Variants in STAG1 observed in about 807,000 individuals in gnomAD.
STAG1 encodes cohesin subunit SA-1.
A neutral mutation model predicts 170.9 loss-of-function variants in STAG1; 26 were observed. The observed-to-expected ratio is 0.15, with a 90% CI of 0.11 to 0.21. STAG1 has a LOEUF of 0.21. Among genes scored for constraint, STAG1 ranks in the 10% least tolerant of loss-of-function variants. The pLI, the probability that STAG1 is intolerant of heterozygous loss-of-function variation, is 1.00. For synonymous variants in STAG1, 514 were observed against 497.7 expected, an observed-to-expected ratio of 1.03 and a Z score of -0.44; for missense variants, 964 against 1,509.5, an observed-to-expected ratio of 0.64 and a Z score of 5.99.
chr3:136,631,188 GAATA>G (rs1660705857), intron 1 of STAG1, among the ~76,000 whole-genome samples: 1 of 152,124 alleles, frequency 6.6e-6, no homozygotes, highest in Non-Finnish European at 1.5e-5. Context: ...CTAAGTAAAT[GAATA>G]AATAAACTAC....
chr3:136,663,590 T>C (rs1455813407), intron 1 of STAG1, among the ~76,000 whole-genome samples: 2 of 152,192 alleles, frequency 1.3e-5, no homozygotes, highest in East Asian at 1.9e-4. Flanking sequence ...GCTCCTCATG[T>C]AGATATAGCA....
At chr3:136,657,560 G>A (rs1407293379) in intron 1 of STAG1, among the ~76,000 whole-genome samples, 3 of 152,082 alleles carry the variant, frequency 2.0e-5, no homozygotes, top group Admixed American at 6.6e-5. Context: ...GTGGCCTCAC[G>A]CCTGTAATCC....
At chr3:136,560,613 C>T (rs1275344627) in intron 5 of STAG1, among the ~76,000 whole-genome samples, 1 of 152,154 alleles carries the variant, frequency 6.6e-6, no homozygotes, top group East Asian at 1.9e-4. Flanking sequence ...ATTACTACTA[C>T]ATATTGAGTT....
Position 136,377,675 on chromosome 3 carries a change from A to G in STAG1, c.2355T>C (p.Thr785=), listed in dbSNP as rs1172539812. 1 of 1,613,492 alleles carries G rather than the reference A, an allele frequency of 6.2e-7. No individual in the cohort carries two copies. The change falls in exon 23 of 34, where the codon ACT becomes ACC. Residue 785 remains threonine, a synonymous_variant. Coordinates refer to ENST00000383202, the MANE Select transcript of STAG1 (RefSeq NM_005862.3). ...VCQQCLSNVN[T]PVKEQAFMLL... is the part of the protein sequence containing the mutation. ...AATTTCTTACCTGTTCTTTCACTGG[A>G]GTATTAACATTAGACAGGCACTGCT... is the stretch of plus-strand genomic sequence containing the variant.
intron 8 of STAG1, among the ~76,000 whole-genome samples, 197 bp downstream of exon 8, chr3:136,502,431 C>G (rs1301368674): frequency 6.6e-6 from 1 of 152,154 alleles, no homozygotes; most frequent in Admixed American, 6.5e-5. Flanking sequence ...CAGAGGTGTT[C>G]TATGATTCCT....
chr3:136,417,866 A>C lies in STAG1; in HGVS notation c.2196+19T>G, dbSNP rs1328878214. 1.4e-5 allele frequency: 23 copies of C among 1,587,292 alleles called. No homozygotes were observed. Among genetic ancestry groups the C allele is most frequent in the Non-Finnish European group, 2.0e-5 (23 of 1,155,528 alleles). On this transcript the variant is annotated intron_variant, in intron 21 of 33. Transcript: ENST00000383202. Reference sequence around the variant, plus strand: ...CAACTTTCTAGAGTCATACAGAAGGAATACCAATAAACTCCTACCTGTTCT... The same window carrying C: ...CAACTTTCTAGAGTCATACAGAAGGCATACCAATAAACTCCTACCTGTTCT...
At chr3:136,345,674 A>G (rs541935376) in intron 29 of STAG1, among the ~76,000 whole-genome samples, 6 of 152,280 alleles carry the variant, frequency 3.9e-5, no homozygotes, top group Admixed American at 2.6e-4. Flanking sequence ...CCTTCTGAAG[A>G]ATTTTAATCC....
intron 1 of STAG1, among the ~76,000 whole-genome samples, chr3:136,693,911 CAAG>C: frequency 6.6e-6 from 1 of 152,050 alleles, no homozygotes; most frequent in Middle Eastern, 3.4e-3. Flanking sequence ...ATTAATTTAC[CAAG>C]TTAACAAGGT....
intron 7 of STAG1, chr3:136,518,235 C>T: frequency 1.7e-6 from 1 of 574,808 alleles, no homozygotes; most frequent in East Asian, 2.8e-5. Flanking sequence ...CTGTACCCTA[C>T]AAAATAACTA....
At chr3:136,733,380 C>A (rs1466475955) in intron 1 of STAG1, among the ~76,000 whole-genome samples, 3 of 152,140 alleles carry the variant, frequency 2.0e-5, no homozygotes, top group Non-Finnish European at 4.4e-5. Context: ...GCTACCGTGC[C>A]TGGCCAAAGG....
At chr3:136,746,345 G>C (rs1030867080) in intron 1 of STAG1, among the ~76,000 whole-genome samples, 3 of 151,522 alleles carry the variant, frequency 2.0e-5, no homozygotes, top group Non-Finnish European at 2.9e-5. Context: ...TTTAAAGCAA[G>C]GGTGTCCAAT....
At chr3:136,445,814 T>C (rs1202731334) in intron 14 of STAG1, among the ~76,000 whole-genome samples, 1 of 152,198 alleles carries the variant, frequency 6.6e-6, no homozygotes, top group Non-Finnish European at 1.5e-5. Flanking sequence ...CCCTCTGCTA[T>C]CTTTGTGTAA....
At chr3:136,723,542 C>A (rs192049058) in intron 1 of STAG1, among the ~76,000 whole-genome samples, 24,327 of 151,868 alleles carry the variant, frequency 0.16, 2,364 homozygotes, top group Non-Finnish European at 0.22. Context: ...CCGGCAGCCA[C>A]CCCATCCGGG....
chr3:136,488,595 G>A (rs939110670), intron 9 of STAG1, among the ~76,000 whole-genome samples: 9 of 152,284 alleles, frequency 5.9e-5, no homozygotes, highest in East Asian at 3.9e-4. Flanking sequence ...GCACCTACAC[G>A]TTTGTGGTTA....
chr3:136,613,338 A>T (rs1172091410), intron 3 of STAG1, among the ~76,000 whole-genome samples: 1 of 151,436 alleles, frequency 6.6e-6, no homozygotes, highest in African/African-American at 2.4e-5. Context: ...AAAAAAAAGA[A>T]ATCAGAGTTT....
chr3:136,663,739 G>C (rs148221011), intron 1 of STAG1, among the ~76,000 whole-genome samples: 1 of 151,800 alleles, frequency 6.6e-6, no homozygotes, highest in Non-Finnish European at 1.5e-5. Context: ...TGATCTTCAG[G>C]TAACAACAGA....
intron 7 of STAG1, among the ~76,000 whole-genome samples, chr3:136,518,685 T>A (rs1444713757): frequency 6.6e-6 from 1 of 152,064 alleles, no homozygotes; most frequent in Admixed American, 6.6e-5. Context: ...TAAAGTAAAT[T>A]GAGAGAACAA....
chr3:136,478,976 A>C (rs575998081), intron 9 of STAG1, among the ~76,000 whole-genome samples: 54 of 151,980 alleles, frequency 3.6e-4, no homozygotes, highest in Non-Finnish European at 5.1e-4. Flanking sequence ...TATGAGAATA[A>C]AATCACTTAA....
At chr3:136,618,329 C>T (rs537467547) in intron 3 of STAG1, among the ~76,000 whole-genome samples, 1 of 152,250 alleles carries the variant, frequency 6.6e-6, no homozygotes, top group Non-Finnish European at 1.5e-5. Flanking sequence ...GCGCCACATG[C>T]GTCAGGGATA....
Sources: allele counts gnomAD v4.1 joint callset (sites outside exome capture counted in the v4.1 genomes callset), GRCh38; gene constraint gnomAD v4.1.1; transcripts MANE v1.5; gene names NCBI Gene and HGNC (gene_info 2026-07-23, HGNC 2026-07-21).